Variants in PDZD2 observed in about 807,000 individuals in gnomAD.
PDZD2 encodes the protein PDZ domain-containing protein 2.
A neutral mutation model predicts 220.7 loss-of-function variants in PDZD2; 90 were observed. The observed-to-expected ratio is 0.41, with a 90% CI of 0.34 to 0.49. The LOEUF (loss-of-function observed/expected upper bound fraction) is 0.49. Among genes scored for constraint, PDZD2 ranks in the 20% least tolerant of loss-of-function variants. The pLI, the probability that PDZD2 is intolerant of heterozygous loss-of-function variation, is 0.28. For missense variants in PDZD2, 3,174 were observed against 3,608.5 expected (o/e 0.88, Z 3.08); for synonymous variants, 1,375 against 1,450.5 (o/e 0.95, Z 1.18).
In PDZD2 at chr5:31,823,922, C is replaced by T. The variant is rs1756059447; in HGVS notation, c.476+24198C>T. 2.0e-5 allele frequency among the ~76,000 whole-genome samples: 3 copies of T among 152,106 alleles called. No homozygotes were observed. In the South Asian group the frequency reaches 6.2e-4, roughly 32 times the overall value. Reference sequence around the variant, plus strand: ...AACATGTGTAAGGCGAAGGGGCTTGCACTAGGATAGTAAATAGGGTAGGAA... The same window carrying T: ...AACATGTGTAAGGCGAAGGGGCTTGTACTAGGATAGTAAATAGGGTAGGAA... On this transcript the variant is annotated intron_variant, in intron 2 of 24. Coordinates refer to ENST00000438447, the MANE Select transcript of PDZD2 (RefSeq NM_178140.4).
At chr5:31,677,125 T>A (rs1166901648) in intron 1 of PDZD2, among the ~76,000 whole-genome samples, 1 of 152,078 alleles carries the variant, frequency 6.6e-6, no homozygotes, top group African/African-American at 2.4e-5. Context: ...GGTTCATGGC[T>A]GATAAGAGCT....
At chr5:31,689,353 A>ATATATATATATATAT in intron 1 of PDZD2, among the ~76,000 whole-genome samples, 2 of 35,142 alleles carry the variant, frequency 5.7e-5, no homozygotes, top group Non-Finnish European at 8.4e-5. Flanking sequence ...ATATATATAT[A>ATATATATATATATAT]TTTTTTTTTT....
intron 1 of PDZD2, among the ~76,000 whole-genome samples, chr5:31,729,989 A>T (rs1249993021): frequency 2.0e-5 from 3 of 152,018 alleles, no homozygotes; most frequent in Non-Finnish European, 4.4e-5. Context: ...CACCACGCCC[A>T]GCTAATTTTT....
chr5:31,758,166 A>T (rs1384858073), intron 1 of PDZD2, among the ~76,000 whole-genome samples: 1 of 152,156 alleles, frequency 6.6e-6, no homozygotes, highest in Admixed American at 6.5e-5. Context: ...CCTGGACCGC[A>T]CTGGATTCTA....
intron 2 of PDZD2, among the ~76,000 whole-genome samples, chr5:31,903,369 G>A (rs551586076): frequency 8.5e-4 from 129 of 151,804 alleles, no homozygotes; most frequent in African/African-American, 2.2e-3. Context: ...AGGAAAGGTC[G>A]GGCATGGTGG....
In PDZD2 at chr5:31,799,585, G is replaced by T; in HGVS notation, c.337G>T (p.Val113Leu). The change falls in exon 2 of 25, where the codon GTG becomes TTG. Residue 113 changes from valine (V) to leucine (L), a missense_variant. Transcript: ENST00000438447. Reference sequence around the variant, plus strand: ...GAAGAGGAAAACCCACCAGGGTCCTGTGCTGGATGTGGGCTGCATCTGGGT... The same window carrying T: ...GAAGAGGAAAACCCACCAGGGTCCTTTGCTGGATGTGGGCTGCATCTGGGT... Reference protein sequence around the residue: ...GKKRKTHQGPVLDVGCIWVTE... With the variant: ...GKKRKTHQGPLLDVGCIWVTE... The T allele has an allele frequency of 2.5e-6, 4 of 1,614,202 alleles. No homozygotes were observed. Among genetic ancestry groups the T allele is most frequent in the Non-Finnish European group, 3.4e-6 (4 of 1,180,028 alleles).
At chr5:31,786,809 G>C (rs1260378457) in intron 1 of PDZD2, among the ~76,000 whole-genome samples, 1 of 152,148 alleles carries the variant, frequency 6.6e-6, no homozygotes, top group Non-Finnish European at 1.5e-5. Context: ...TGTATTACTG[G>C]CTCTTATAAA....
intron 2 of PDZD2, among the ~76,000 whole-genome samples, chr5:31,943,660 G>A (rs1020899076): frequency 1.3e-5 from 2 of 152,194 alleles, no homozygotes; most frequent in African/African-American, 2.4e-5. Context: ...AGAAGCCGAC[G>A]AGGCAAATGC....
chr5:31,897,194 C>T (rs1741647935), intron 2 of PDZD2, among the ~76,000 whole-genome samples: 2 of 151,964 alleles, frequency 1.3e-5, no homozygotes, highest in African/African-American at 2.4e-5. Flanking sequence ...TGAATTAGCA[C>T]CTAAATCAGT....
At chr5:31,922,435 C>T (rs1018217247) in intron 2 of PDZD2, among the ~76,000 whole-genome samples, 1 of 152,062 alleles carries the variant, frequency 6.6e-6, no homozygotes, top group Admixed American at 6.5e-5. Context: ...ACTTAGTAAG[C>T]TTAAGGGTCT....
intron 6 of PDZD2, among the ~76,000 whole-genome samples, chr5:32,032,452 C>A (rs1260365653): frequency 1.3e-5 from 2 of 152,146 alleles, no homozygotes; most frequent in South Asian, 2.1e-4. Context: ...GCCTTCATGC[C>A]CACTTCCAGA....
chr5:32,095,191 C>T (rs1186131992), intron 21 of PDZD2, among the ~76,000 whole-genome samples: 3 of 152,140 alleles, frequency 2.0e-5, no homozygotes, highest in Non-Finnish European at 4.4e-5. Flanking sequence ...CAGTGCTGCC[C>T]GAGGGTGGCT....
At chr5:31,952,001 C>T (rs938685063) in intron 2 of PDZD2, among the ~76,000 whole-genome samples, 2 of 152,296 alleles carry the variant, frequency 1.3e-5, no homozygotes, top group Middle Eastern at 6.8e-3. Context: ...TCTCTCATTA[C>T]ACTTTGAAAC....
intron 1 of PDZD2, among the ~76,000 whole-genome samples, chr5:31,740,442 G>T (rs560491696): frequency 6.8e-6 from 1 of 147,056 alleles, no homozygotes; most frequent in East Asian, 2.0e-4. Context: ...TGAGAATGGC[G>T]TGAACCCGGG....
chr5:31,875,786 C>T (rs1024925616), intron 2 of PDZD2, among the ~76,000 whole-genome samples: 1 of 151,336 alleles, frequency 6.6e-6, no homozygotes, highest in African/African-American at 2.4e-5. Context: ...TATATAGTCC[C>T]TAAAAATATA....
At chr5:31,721,642 T>C (rs1748803633) in intron 1 of PDZD2, among the ~76,000 whole-genome samples, 1 of 151,028 alleles carries the variant, frequency 6.6e-6, no homozygotes, top group South Asian at 2.1e-4. Context: ...TTTAAAAAAG[T>C]AACCAACCTC....
chr5:31,937,615 GTC>G lies in PDZD2; in HGVS notation c.477-45534_477-45533del, dbSNP rs1351556429. 2.0e-5 allele frequency among the ~76,000 whole-genome samples: 3 copies of G among 152,314 alleles called. No homozygotes were observed. The East Asian group carries it at 5.8e-4, about 29-fold the overall frequency. Reference sequence around the variant, plus strand: ...CAAGCAAGCCCACACATCATTGCTAGTCTCTCTTTCCGTGTGATTTCTCAGCA... The same window carrying G: ...CAAGCAAGCCCACACATCATTGCTAGTCTCTTTCCGTGTGATTTCTCAGCA... On this transcript the variant is annotated intron_variant, in intron 2 of 24. Coordinates refer to ENST00000438447, the MANE Select transcript of PDZD2 (RefSeq NM_178140.4).
At chr5:31,988,949 G>A (rs1213878903) in intron 3 of PDZD2, among the ~76,000 whole-genome samples, 1 of 152,182 alleles carries the variant, frequency 6.6e-6, no homozygotes, top group African/African-American at 2.4e-5. Flanking sequence ...GTCTCCTGCG[G>A]TACCCTCTGC....
intron 1 of PDZD2, among the ~76,000 whole-genome samples, chr5:31,703,991 T>C (rs569369716): frequency 1.3e-5 from 2 of 150,778 alleles, no homozygotes; most frequent in Admixed American, 6.6e-5. Flanking sequence ...TTCCTTTCTT[T>C]CCTTCCTTCC....
Sources: gnomAD v4.1 joint callset for allele counts (sites outside exome capture counted in the v4.1 genomes callset) on GRCh38, gnomAD v4.1.1 for gene constraint, MANE v1.5 for transcripts, NCBI Gene and HGNC (gene_info 2026-07-23, HGNC 2026-07-21) for gene names.